Variants in MEGF6 observed in about 807,000 individuals in gnomAD.
The protein encoded by MEGF6 is multiple EGF like domains 6.
A neutral mutation model predicts 207.1 loss-of-function variants in MEGF6; 184 were observed. That is an observed-to-expected ratio of 0.89 (90% confidence interval 0.79 to 1.00). The LOEUF (loss-of-function observed/expected upper bound fraction) is 1.00. Among genes scored for constraint, MEGF6 ranks in the 50% least tolerant of loss-of-function variants. The pLI is 0.00. For missense variants in MEGF6, 2,282 were observed against 2,202.9 expected (o/e 1.04, Z -0.72); for synonymous variants, 1,038 against 910.0 (o/e 1.14, Z -2.53).
intron 35 of MEGF6, among the ~76,000 whole-genome samples, chr1:3,491,802 C>G (rs1640383716): frequency 6.8e-6 from 1 of 148,014 alleles, no homozygotes; most frequent in South Asian, 2.2e-4. Flanking sequence ...GCAGCAAAGT[C>G]TGGGCTGGCC....
intron 4 of MEGF6, among the ~76,000 whole-genome samples, chr1:3,572,355 T>C (rs545416961): frequency 5.8e-5 from 7 of 120,894 alleles, no homozygotes; most frequent in African/African-American, 2.2e-4. Context: ...TCAGGTGTGC[T>C]GGGTCCTCCT....
At chr1:3,513,125 C>T (rs1301482604) in intron 7 of MEGF6, among the ~76,000 whole-genome samples, 2 of 152,212 alleles carry the variant, frequency 1.3e-5, no homozygotes, top group Non-Finnish European at 2.9e-5. Context: ...AGCAGCCCAT[C>T]CCATACGTCT....
chr1:3,512,421 G>A (rs568400455), intron 7 of MEGF6, among the ~76,000 whole-genome samples: 92 of 152,356 alleles, frequency 6.0e-4, no homozygotes, highest in South Asian at 4.1e-3. Context: ...CACACACCAC[G>A]ACACCCCGTG....
Position 3,512,085 on chromosome 1 carries a change from G to A in MEGF6, c.897C>T (p.Gly299=). The change falls in exon 8 of 37, where the codon GGC becomes GGT. Residue 299 remains glycine (G), a synonymous_variant. Coordinates refer to ENST00000356575, the MANE Select transcript of MEGF6 (RefSeq NM_001409.4). ...CAAGLAQCAH[G]CLNTQGSFKC... is the part of the protein sequence containing the mutation. ...TGAAGGACCCCTGGGTGTTGAGGCAGCCATGGGCACACTGGGCCAGCCCTG... is the reference window on the plus strand; with the variant it reads ...TGAAGGACCCCTGGGTGTTGAGGCAACCATGGGCACACTGGGCCAGCCCTG... The A allele has an allele frequency of 6.2e-7, 1 of 1,612,238 alleles. No individual in the cohort carries two copies. Among genetic ancestry groups the A allele is most frequent in the Non-Finnish European group, 8.5e-7 (1 of 1,179,532 alleles).
intron 4 of MEGF6, among the ~76,000 whole-genome samples, chr1:3,571,110 G>A (rs917396047): frequency 6.6e-6 from 1 of 152,180 alleles, no homozygotes; most frequent in Non-Finnish European, 1.5e-5. Flanking sequence ...CACAGAGAGA[G>A]GGTCTGGGGG....
intron 4 of MEGF6, among the ~76,000 whole-genome samples, chr1:3,545,637 C>T (rs1642677269): frequency 6.6e-6 from 1 of 152,190 alleles, no homozygotes; most frequent in Non-Finnish European, 1.5e-5. Flanking sequence ...ATCCTGGAGC[C>T]TCTGGGGCTT....
At position 3,499,618 on chromosome 1, in the gene MEGF6, CG is replaced by C; in HGVS notation, c.2934del (p.Ala979LeufsTer295). 1 of 1,587,586 alleles carries C rather than the reference CG, an allele frequency of 6.3e-7. No homozygotes were observed. Among genetic ancestry groups the C allele is most frequent in the Non-Finnish European group, 8.6e-7 (1 of 1,167,976 alleles). On this transcript the variant is annotated frameshift_variant, in exon 23 of 37. Transcript: ENST00000356575. LOFTEE classifies it high-confidence loss of function. ...GCACAGCGGGGGCCCCGGCGGCCAGCGGGGCAGAGGCAGGAGCCATTCACGG... is the reference window on the plus strand; with the variant it reads ...GCACAGCGGGGGCCCCGGCGGCCAGCGGGCAGAGGCAGGAGCCATTCACGG... The part of the protein sequence containing the change: ...CDAVNGSCLC[P>X]AGRRGPRCAE...
At chr1:3,593,949 T>C (rs903231081) in intron 3 of MEGF6, among the ~76,000 whole-genome samples, 3 of 152,148 alleles carry the variant, frequency 2.0e-5, no homozygotes, top group Non-Finnish European at 4.4e-5. Flanking sequence ...ATCCCTTCTC[T>C]TCCCCTTTTC....
Position 3,494,758 on chromosome 1 carries a change from G to T in MEGF6, c.3872-17C>A. ...GGGGGCAGCCTGGAGACAGAAGGCA[G>T]GTGCTGCCTGGAGCTCTGGCCGAGG... On this transcript the variant is annotated splice_polypyrimidine_tract_variant and intron_variant, in intron 30 of 36. Coordinates refer to ENST00000356575, the MANE Select transcript of MEGF6 (RefSeq NM_001409.4). The T allele has an allele frequency of 1.3e-6, 2 of 1,555,960 alleles. No homozygotes were observed. The highest frequency in any genetic ancestry group is 4.7e-5 in the East Asian group (2 of 42,984).
At chr1:3,498,612 C>G (rs1640715890) in intron 25 of MEGF6, 86 bp downstream of exon 25, 2 of 1,485,914 alleles carry the variant, frequency 1.3e-6, no homozygotes, top group Non-Finnish European at 1.8e-6. Context: ...GGCGCTGCCC[C>G]CTGACCTGGG....
intron 4 of MEGF6, among the ~76,000 whole-genome samples, chr1:3,539,881 T>C (rs1406325834): frequency 6.6e-6 from 1 of 152,182 alleles, no homozygotes; most frequent in Non-Finnish European, 1.5e-5. Context: ...AGGTGTCCAC[T>C]GAGCCTCCCC....
chr1:3,538,235 C>T (rs1268465489), intron 4 of MEGF6, among the ~76,000 whole-genome samples: 1 of 152,188 alleles, frequency 6.6e-6, no homozygotes, highest in Non-Finnish European at 1.5e-5. Context: ...AAGCTGCCTC[C>T]CTGCGGAGAC....
chr1:3,597,365 C>G (rs74048652), intron 2 of MEGF6, among the ~76,000 whole-genome samples: 3,159 of 152,270 alleles, frequency 0.021, 116 homozygotes, highest in African/African-American at 0.07. Flanking sequence ...CAAACAGCCT[C>G]CACCCTCACT....
At chr1:3,580,388 G>A (rs1335205171) in intron 3 of MEGF6, among the ~76,000 whole-genome samples, 3 of 152,222 alleles carry the variant, frequency 2.0e-5, no homozygotes, top group African/African-American at 7.2e-5. Flanking sequence ...CCCGGGAGGG[G>A]AGGCTCCGGC....
intron 4 of MEGF6, among the ~76,000 whole-genome samples, chr1:3,570,182 T>C (rs979330333): frequency 2.0e-5 from 3 of 151,962 alleles, no homozygotes; most frequent in Non-Finnish European, 2.9e-5. Flanking sequence ...CAGCCGACTG[T>C]CACGCAGGGA....
chr1:3,548,141 C>T (rs1223357200), intron 4 of MEGF6, among the ~76,000 whole-genome samples: 1 of 152,200 alleles, frequency 6.6e-6, no homozygotes, highest in Non-Finnish European at 1.5e-5. Flanking sequence ...ATGCTGAGGA[C>T]GCAGATGGCC....
chr1:3,539,317 A>G (rs1642428049), intron 4 of MEGF6, among the ~76,000 whole-genome samples: 1 of 152,042 alleles, frequency 6.6e-6, no homozygotes, highest in Non-Finnish European at 1.5e-5. Context: ...CAGGGCCAGC[A>G]GAGATGCATG....
At chr1:3,525,956 T>C (rs1641946301) in intron 4 of MEGF6, among the ~76,000 whole-genome samples, 1 of 152,172 alleles carries the variant, frequency 6.6e-6, no homozygotes. Context: ...CCTGGACACC[T>C]GTGTGTGCAG....
rs976985631 is a variant in MEGF6 at position 3,531,400 on chromosome 1, G to C, written c.482-7154C>G. On this transcript the variant is annotated intron_variant, in intron 4 of 36. Coordinates refer to ENST00000356575, the MANE Select transcript of MEGF6 (RefSeq NM_001409.4). ...GGATCCGCTCCGCTCGGCGCCGCCC[G>C]GGAGCCGCTCTGGGCCGGGCGCGCC... The C allele has an allele frequency of 3.5e-6, 4 of 1,154,424 alleles. No individual in the cohort carries two copies. The South Asian group carries it at 1.3e-4, about 37-fold the overall frequency. 71.5% of individuals were successfully genotyped at this position (1,154,424 alleles called of 1,614,324 possible).
Sources: allele counts gnomAD v4.1 joint callset (sites outside exome capture counted in the v4.1 genomes callset), GRCh38; gene constraint gnomAD v4.1.1; transcripts MANE v1.5; gene names NCBI Gene and HGNC (gene_info 2026-07-23, HGNC 2026-07-21).